Variants in GRIK4 observed in about 807,000 individuals in gnomAD.
The protein encoded by GRIK4 is glutamate receptor ionotropic, kainate 4.
A neutral mutation model predicts 104.9 loss-of-function variants in GRIK4; 40 were observed. The ratio of observed to expected loss-of-function variants is 0.38; its 90% CI spans 0.30 to 0.50. The LOEUF is 0.50. Among genes scored for constraint, GRIK4 ranks in the 20% least tolerant of loss-of-function variants. The probability of loss-of-function intolerance (pLI) is 0.93; values close to 1 mark genes in which losing one functional copy is unlikely to be tolerated. For synonymous variants in GRIK4, 485 were observed against 524.9 expected (o/e 0.92, Z 1.04); for missense variants, 1,047 against 1,308.1 (o/e 0.80, Z 3.08).
At chr11:120,639,371 TC>T (rs1949441575) in intron 1 of GRIK4, among the ~76,000 whole-genome samples, 1 of 151,956 alleles carries the variant, frequency 6.6e-6, no homozygotes, top group African/African-American at 2.4e-5. Flanking sequence ...GATGGGAGAA[TC>T]CCCGGGGCCT....
Position 120,986,175 on chromosome 11 carries a change from A to G in GRIK4, c.2786A>G (p.Gln929Arg), listed in dbSNP as rs2134818975. The G allele has an allele frequency of 1.3e-6, 2 of 1,558,098 alleles. No individual in the cohort carries two copies. Among genetic ancestry groups the G allele is most frequent in the East Asian group, 2.4e-5 (1 of 40,912 alleles). Residue 929 changes from glutamine (Q) to arginine (R), a missense_variant, in exon 21 of 21, where the codon CAG becomes CGG. By Grantham distance (43) the Gln-to-Arg change is conservative. This residue lies in a region of GRIK4 where 160 missense variants were observed against 140.9 expected (regional missense o/e 1.14). Transcript: ENST00000527524. Reference sequence around the variant, plus strand: ...GTCTGCCCCGAGTGCCGCCGCTTCCAGGGCCTGCGGGCACGGCCGTCGCCC... The same window carrying G: ...GTCTGCCCCGAGTGCCGCCGCTTCCGGGGCCTGCGGGCACGGCCGTCGCCC... ...IRVCPECRRF[Q>R]GLRARPSPAR... is the part of the protein sequence containing the mutation.
intron 1 of GRIK4, among the ~76,000 whole-genome samples, chr11:120,644,064 GAGA>G (rs2135205582): frequency 8.6e-5 from 2 of 23,198 alleles, no homozygotes; most frequent in African/African-American, 2.6e-4. Flanking sequence ...AGAGAGGAGA[GAGA>G]GAGAGAGAGA....
intron 1 of GRIK4, among the ~76,000 whole-genome samples, chr11:120,569,803 G>C (rs1040513531): frequency 6.6e-6 from 1 of 151,870 alleles, no homozygotes. Context: ...CTATGTGGTG[G>C]GTGGGGAGCT....
chr11:120,919,154 C>G (rs1489467864), intron 13 of GRIK4, among the ~76,000 whole-genome samples: 4 of 152,114 alleles, frequency 2.6e-5, no homozygotes, highest in Non-Finnish European at 5.9e-5. Context: ...TGACAGGCGA[C>G]AAGGAGGAGA....
Position 120,956,820 on chromosome 11 carries a change from C to T in GRIK4, c.1741C>T (p.Gln581Ter), listed in dbSNP as rs1170825344. Residue 581 changes from glutamine (Q) to a stop codon, truncating the protein, a stop_gained, in exon 16 of 21, where the codon CAG becomes TAG. Coordinates refer to ENST00000527524, the MANE Select transcript of GRIK4 (RefSeq NM_014619.5). LOFTEE classifies it high-confidence loss of function. The surrounding 1 kb of genome is among the most constrained non-coding windows in gnomAD (Gnocchi z 4.6). ...GTGGTACAGCCCACACCCATGTGCC[C>T]AGGGCCGGTGCAACCTCCTGGTGAA... Reference protein sequence around the residue: ...YEWYSPHPCAQGRCNLLVNQY... With the variant: ...YEWYSPHPCA 1 of 1,613,674 alleles carries T rather than the reference C, an allele frequency of 6.2e-7. No individual in the cohort carries two copies. Among genetic ancestry groups the T allele is most frequent in the Non-Finnish European group, 8.5e-7 (1 of 1,179,774 alleles).
chr11:120,662,429 G>A (rs1281359703), intron 3 of GRIK4, among the ~76,000 whole-genome samples: 1 of 152,190 alleles, frequency 6.6e-6, no homozygotes, highest in African/African-American at 2.4e-5. Context: ...GCCAGGACCC[G>A]TTCTTCCTGT....
At chr11:120,693,822 G>A (rs1358280016) in intron 3 of GRIK4, among the ~76,000 whole-genome samples, 1 of 152,164 alleles carries the variant, frequency 6.6e-6, no homozygotes, top group African/African-American at 2.4e-5. Context: ...TGGCTGAGCC[G>A]GGAGGGGCTC....
In GRIK4 at chr11:120,982,377, A is replaced by G. The variant is rs189313434; in HGVS notation, c.2514+153A>G. On this transcript the variant is annotated intron_variant, in intron 20 of 20. Coordinates refer to ENST00000527524, the MANE Select transcript of GRIK4 (RefSeq NM_014619.5). ...CAGAGGGGATTTGGATCAATGCTTC[A>G]TTACTTAGTAATTATTATGAACAAC... 1.4e-3 allele frequency among the ~76,000 whole-genome samples: 220 copies of G among 152,344 alleles called. 1 individual carries two copies. The highest frequency in any genetic ancestry group is 2.1e-3 in the Non-Finnish European group (145 of 68,030).
intron 1 of GRIK4, among the ~76,000 whole-genome samples, chr11:120,634,114 A>G (rs1348776615): frequency 6.6e-6 from 1 of 152,168 alleles, no homozygotes; most frequent in Non-Finnish European, 1.5e-5. Flanking sequence ...CCTGCCTTCC[A>G]GTGTGTGTGC....
chr11:120,800,560 G>A (rs551008514), intron 3 of GRIK4, among the ~76,000 whole-genome samples: 2 of 152,318 alleles, frequency 1.3e-5, no homozygotes, highest in South Asian at 2.1e-4. Context: ...CCAGGTATGC[G>A]TGGACTTTGC....
chr11:120,680,777 G>A (rs886357885), intron 3 of GRIK4, among the ~76,000 whole-genome samples: 1 of 152,192 alleles, frequency 6.6e-6, no homozygotes, highest in African/African-American at 2.4e-5. Flanking sequence ...AGAGGCGAAG[G>A]GAGCTGGATA....
intron 9 of GRIK4, 182 bp from the exon 10 acceptor site, chr11:120,873,881 CTAT>C: frequency 3.5e-6 from 2 of 564,000 alleles, no homozygotes; most frequent in South Asian, 5.1e-5. Flanking sequence ...GAACACCTGA[CTAT>C]TAGATGAAGT....
chr11:120,873,391 G>A (rs1185606783), intron 9 of GRIK4: 1 of 152,150 alleles, frequency 6.6e-6, no homozygotes, highest in African/African-American at 2.4e-5. Context: ...TCCCTCTTTG[G>A]AACCCTCCCC....
chr11:120,703,858 G>A (rs776272086), intron 3 of GRIK4, among the ~76,000 whole-genome samples: 3 of 152,162 alleles, frequency 2.0e-5, no homozygotes, highest in Non-Finnish European at 4.4e-5. Flanking sequence ...GTAGGTACAG[G>A]ATGGGGTGGT....
intron 11 of GRIK4, among the ~76,000 whole-genome samples, chr11:120,886,402 A>G (rs1955120572): frequency 6.6e-6 from 1 of 152,234 alleles, no homozygotes; most frequent in African/African-American, 2.4e-5. Context: ...AACCAGTGAT[A>G]TGCCTTCCAG....
intron 1 of GRIK4, among the ~76,000 whole-genome samples, chr11:120,584,306 A>G (rs1189521643): frequency 1.3e-5 from 2 of 152,206 alleles, no homozygotes; most frequent in African/African-American, 2.4e-5. Context: ...CCATTCTTGC[A>G]TTGCTATAAA....
intron 1 of GRIK4, among the ~76,000 whole-genome samples, chr11:120,650,115 G>A (rs1034904903): frequency 1.3e-5 from 2 of 152,180 alleles, no homozygotes; most frequent in Admixed American, 1.3e-4. Flanking sequence ...CCCGTGGCTG[G>A]CAATGAGCTC....
intron 7 of GRIK4, among the ~76,000 whole-genome samples, chr11:120,833,043 G>C (rs1953472333): frequency 6.6e-6 from 1 of 152,130 alleles, no homozygotes; most frequent in Non-Finnish European, 1.5e-5. Context: ...GCCAAGCTGT[G>C]AGGAGCCCGC....
chr11:120,616,749 G>A (rs1298601176), intron 1 of GRIK4, among the ~76,000 whole-genome samples: 1 of 152,228 alleles, frequency 6.6e-6, no homozygotes, highest in Non-Finnish European at 1.5e-5. Context: ...AGATATGGGA[G>A]TGGGCTGCTC....
Sources: allele counts gnomAD v4.1 joint callset (sites outside exome capture counted in the v4.1 genomes callset), GRCh38; gene constraint gnomAD v4.1.1; regional missense constraint gnomAD v4.1.1; non-coding constraint Gnocchi (gnomAD v3.1); transcripts MANE v1.5; gene names NCBI Gene and HGNC (gene_info 2026-07-23, HGNC 2026-07-21).